Variants in POMT1 observed in about 807,000 individuals in gnomAD.
POMT1 encodes protein O-mannosyl-transferase 1.
POMT1 carries 85 observed loss-of-function variants against 101.6 expected under a neutral mutation model. The observed-to-expected ratio is 0.84, with a 90% CI of 0.70 to 1.00. POMT1 has a LOEUF of 1.00. Among genes scored for constraint, POMT1 ranks in the 50% least tolerant of loss-of-function variants. The pLI, the probability that POMT1 is intolerant of heterozygous loss-of-function variation, is 0.00. For synonymous variants in POMT1, 371 were observed against 383.0 expected, an observed-to-expected ratio of 0.97 and a Z score of 0.37; for missense variants, 857 against 930.4, an observed-to-expected ratio of 0.92 and a Z score of 1.03.
Position 131,523,049 on chromosome 9 carries a change from T to G in POMT1, c.2121T>G (p.His707Gln), listed in dbSNP as rs1950286023. The change falls in exon 20 of 20, where the codon CAT becomes CAG. Residue 707 changes from histidine to glutamine, a missense_variant. Coordinates refer to ENST00000402686, the MANE Select transcript of POMT1 (RefSeq NM_001077365.2). The stretch of plus-strand genomic sequence containing the variant: ...ACGGGGACAAGTCACTCTCGCCACA[T>G]GAACTCAAGGCCCTTCGCTGGAAAG... The part of the protein sequence containing the change: ...LTYGDKSLSP[H>Q]ELKALRWKDS... The G allele has an allele frequency of 6.2e-7, 1 of 1,611,546 alleles. No individual in the cohort carries two copies. Among genetic ancestry groups the G allele is most frequent in the Non-Finnish European group, 8.5e-7 (1 of 1,179,876 alleles).
intron 8 of POMT1, 113 bp downstream of exon 8, chr9:131,510,109 G>T (rs767632410): frequency 3.1e-6 from 5 of 1,613,220 alleles, no homozygotes; most frequent in Non-Finnish European, 4.2e-6. Flanking sequence ...GAAGCAGGCA[G>T]GCCTGGGCAG....
intron 9 of POMT1, chr9:131,511,002 C>T: frequency 3.5e-6 from 1 of 287,346 alleles, no homozygotes; most frequent in South Asian, 4.4e-5. Context: ...TGTGTTTCAG[C>T]AAGTTGTTTG....
At position 131,519,263 on chromosome 9, in the gene POMT1, T is replaced by A; in HGVS notation, c.1487-126T>A. On this transcript the variant is annotated intron_variant, in intron 15 of 19. Coordinates refer to ENST00000402686, the MANE Select transcript of POMT1 (RefSeq NM_001077365.2). The surrounding 1 kb of genome is among the most constrained non-coding windows in gnomAD (Gnocchi z 4.3). ...TGGTGGGGAAAGCTAAGTGGAATGATGCGGTTCGATAAGGGGTCTTTGTTA... is the reference window on the plus strand; with the variant it reads ...TGGTGGGGAAAGCTAAGTGGAATGAAGCGGTTCGATAAGGGGTCTTTGTTA... 1.0e-6 allele frequency: 1 copy of A among 990,230 alleles called. No homozygotes were observed. Among genetic ancestry groups the A allele is most frequent in the Non-Finnish European group, 1.5e-6 (1 of 648,052 alleles). The allele number at this position is 990,230 out of a possible 1,614,324, so 61.3% of individuals were successfully genotyped here. A position where few individuals can be genotyped will look rare whatever the true frequency, so the allele number is the denominator to read the frequency against.
intron 6 of POMT1, among the ~76,000 whole-genome samples, chr9:131,509,507 A>G (rs1405554791): frequency 6.6e-6 from 1 of 152,200 alleles, no homozygotes. Flanking sequence ...TTGTGACTTC[A>G]TAAATACATC....
In POMT1 at chr9:131,509,926, C is replaced by T. The variant is rs377037072; in HGVS notation, c.629C>T (p.Thr210Met). 5.0e-5 allele frequency: 80 copies of T among 1,614,118 alleles called. No homozygotes were observed. In the African/African-American group the frequency reaches 6.8e-4, roughly 14 times the overall value. ...AGCATCAAGTACATGGGTGTGTTCA[C>T]GTACGTGCTCGTGCTGGGTGTTGCA... ...AVGIKYMGVFTYVLVLGVAAV... is the reference protein window; with the variant it reads ...AVGIKYMGVFMYVLVLGVAAV... The change falls in exon 8 of 20, where the codon ACG becomes ATG. Residue 210 changes from threonine to methionine, a missense_variant. Coordinates refer to ENST00000402686, the MANE Select transcript of POMT1 (RefSeq NM_001077365.2).
intron 11 of POMT1, 125 bp from the exon 12 acceptor site, chr9:131,513,114 T>C (rs908455305): frequency 2.6e-6 from 2 of 772,932 alleles, no homozygotes; most frequent in African/African-American, 1.7e-5. Context: ...GTTCACCTCA[T>C]GTGAGGCACA....
Position 131,522,924 on chromosome 9 carries a change from C to A in POMT1, c.2004-8C>A. On this transcript the variant is annotated splice_polypyrimidine_tract_variant and splice_region_variant and intron_variant, in intron 19 of 19. Transcript: ENST00000402686. This position sits in a 1 kb window ranked among gnomAD's most constrained non-coding sequence, Gnocchi z 5.5. ...CCACCCTCCCCCACGCTGCTCTGACCTCTGCAGGTCCCAGCTCCAGAGGAG... is the reference window on the plus strand; with the variant it reads ...CCACCCTCCCCCACGCTGCTCTGACATCTGCAGGTCCCAGCTCCAGAGGAG... 1 of 1,580,966 alleles carries A rather than the reference C, an allele frequency of 6.3e-7. No individual in the cohort carries two copies.
chr9:131,518,201 A>C (rs1949133251), intron 13 of POMT1: 1 of 583,792 alleles, frequency 1.7e-6, no homozygotes, highest in East Asian at 3.5e-5. Flanking sequence ...TTCTGTGAGG[A>C]GGCCTCTTGT....
chr9:131,510,276 A>G lies in POMT1; in HGVS notation c.716A>G (p.His239Arg). The change falls in exon 9 of 20, where the codon CAC (histidine) becomes CGC (arginine). Residue 239 changes from histidine to arginine, a missense_variant. Transcript: ENST00000402686. ...QTLSNVCVFC[H>R]LLARAVALLV... ...CTCTGGCAGGTCTGTGTGTTCTGTC[A>G]CTTGCTCGCCCGAGCAGTGGCTTTG... 1 of 1,614,204 alleles carries G rather than the reference A, an allele frequency of 6.2e-7. No individual in the cohort carries two copies. The highest frequency in any genetic ancestry group is 2.2e-5 in the East Asian group (1 of 44,890).
At chr9:131,521,998 C>G in intron 18 of POMT1, 49 bp from the exon 19 acceptor site, 1 of 1,611,584 alleles carries the variant, frequency 6.2e-7, no homozygotes, top group Non-Finnish European at 8.5e-7. Flanking sequence ...AGAGAAGACC[C>G]GGCCTGTGGG....
intron 4 of POMT1, 144 bp downstream of exon 4, chr9:131,506,597 G>T: frequency 1.3e-6 from 1 of 793,260 alleles, no homozygotes. Context: ...TCTGAGTCCA[G>T]AAAATAATAA....
At chr9:131,507,574 C>T in intron 5 of POMT1, 60 bp downstream of exon 5, 3 of 1,608,096 alleles carry the variant, frequency 1.9e-6, no homozygotes, top group South Asian at 1.1e-5. Flanking sequence ...ACCCTTTGGC[C>T]CGGAAGATCA....
chr9:131,505,772 T>A (rs915094769), intron 2 of POMT1, among the ~76,000 whole-genome samples: 1 of 27,406 alleles, frequency 3.6e-5, no homozygotes, highest in Non-Finnish European at 7.5e-5. Flanking sequence ...GTGGGGGGGT[T>A]GGGTAGGTGG....
At chr9:131,511,897 C>A in intron 10 of POMT1, 144 bp from the exon 11 acceptor site, 1 of 786,762 alleles carries the variant, frequency 1.3e-6, no homozygotes. Context: ...CATAAATAGA[C>A]ACAGGGTCTC....
At chr9:131,506,037 C>A (rs1945731117) in intron 2 of POMT1, 77 bp from the exon 3 acceptor site, 1 of 1,586,568 alleles carries the variant, frequency 6.3e-7, no homozygotes, top group Non-Finnish European at 8.6e-7. Flanking sequence ...GAAACACATA[C>A]ACATTTATCC....
chr9:131,521,168 C>T lies in POMT1; in HGVS notation c.1699-178C>T, dbSNP rs532789719. 3.4e-4 allele frequency: 279 copies of T among 811,614 alleles called. 3 individuals are homozygous for T. The South Asian group carries it at 4.0e-3, about 12-fold the overall frequency. 50.3% of individuals were successfully genotyped at this position (811,614 alleles called of 1,614,324 possible). A position where few individuals can be genotyped will look rare whatever the true frequency, so the allele number is the denominator to read the frequency against. Reference sequence around the variant, plus strand: ...GGCATCAGTGCTTTTAATGAAAGGTCTGAGTAGGAGCAGACCTGTCCACAG... The same window carrying T: ...GGCATCAGTGCTTTTAATGAAAGGTTTGAGTAGGAGCAGACCTGTCCACAG... On this transcript the variant is annotated intron_variant, in intron 17 of 19. Coordinates refer to ENST00000402686, the MANE Select transcript of POMT1 (RefSeq NM_001077365.2).
rs1259149613 is a variant in POMT1, at chr9:131,508,856, T to C, written c.428-55T>C. ...CTTTTTTCATGAGTGTTTTTCATCC[T>C]CATACGTTTTCCCTTGCTACCTTAA... On this transcript the variant is annotated intron_variant, in intron 5 of 19. Transcript: ENST00000402686. 3 of 1,250,728 alleles carry C rather than the reference T, an allele frequency of 2.4e-6. No homozygotes were observed. The African/African-American group carries it at 4.4e-5, about 18-fold the overall frequency. 77.5% of individuals were successfully genotyped at this position (1,250,728 alleles called of 1,614,324 possible).
In POMT1 at chr9:131,519,077, G is replaced by A; in HGVS notation, c.1486+120G>A. Reference sequence around the variant, plus strand: ...GAACTGAGCACATTCTCCATGCTCGGTGGCAGGTCATCTCCCTCCCTGCAC... The same window carrying A: ...GAACTGAGCACATTCTCCATGCTCGATGGCAGGTCATCTCCCTCCCTGCAC... On this transcript the variant is annotated intron_variant, in intron 15 of 19. Coordinates refer to ENST00000402686, the MANE Select transcript of POMT1 (RefSeq NM_001077365.2). This position sits in a 1 kb window ranked among gnomAD's most constrained non-coding sequence, Gnocchi z 4.3. 2 of 1,492,592 alleles carry A rather than the reference G, an allele frequency of 1.3e-6. No homozygotes were observed. The highest frequency in any genetic ancestry group is 2.3e-4 in the Middle Eastern group (1 of 4,274). The allele number at this position is 1,492,592 out of a possible 1,614,324, so 92.5% of individuals were successfully genotyped here.
At chr9:131,512,380 G>A (rs1010368613) in intron 11 of POMT1, among the ~76,000 whole-genome samples, 2 of 152,154 alleles carry the variant, frequency 1.3e-5, no homozygotes, top group Non-Finnish European at 2.9e-5. Flanking sequence ...GCCCCGACCT[G>A]TGTCCCTCTC....
Sources: allele counts gnomAD v4.1 joint callset (sites outside exome capture counted in the v4.1 genomes callset), GRCh38; gene constraint gnomAD v4.1.1; non-coding constraint Gnocchi (gnomAD v3.1); transcripts MANE v1.5; gene names NCBI Gene and HGNC (gene_info 2026-07-23, HGNC 2026-07-21).